Variants in LAMA1 observed in about 807,000 individuals in gnomAD.
The protein encoded by LAMA1 is laminin subunit alpha 1.
A neutral mutation model predicts 348.7 loss-of-function variants in LAMA1; 219 were observed. The ratio of observed to expected loss-of-function variants is 0.63; its 90% confidence interval spans 0.56 to 0.70. The LOEUF is 0.70. Among genes scored for constraint, LAMA1 ranks in the 30% least tolerant of loss-of-function variants. The pLI is 0.00. For synonymous variants in LAMA1, 1,487 were observed against 1,491.0 expected (o/e 1.00, Z 0.06); for missense variants, 3,744 against 3,888.0 (o/e 0.96, Z 0.99).
chr18:6,986,111 A>G, intron 37 of LAMA1, 26 bp downstream of exon 37: 4 of 1,604,688 alleles, frequency 2.5e-6, no homozygotes, highest in Non-Finnish European at 3.4e-6. Context: ...GTTCTAATTG[A>G]GAAGGAGAGA....
intron 3 of LAMA1, among the ~76,000 whole-genome samples, chr18:7,054,099 G>A (rs2058072416): frequency 1.3e-5 from 2 of 151,990 alleles, no homozygotes; most frequent in Non-Finnish European, 2.9e-5. Context: ...ATTGATTCAA[G>A]CTCCCCCATA....
Position 6,983,150 on chromosome 18 carries a change from T to C in LAMA1, c.5745A>G (p.Glu1915=). The C allele has an allele frequency of 1.2e-6, 2 of 1,614,182 alleles. No homozygotes were observed. Among genetic ancestry groups the C allele is most frequent in the Non-Finnish European group, 1.7e-6 (2 of 1,180,032 alleles). Reference sequence around the variant, plus strand: ...GAGCATCTCTGGCCAGTTCCTCCGATTCTTCAATCAGGCTCTGGATGTTGT... The same window carrying C: ...GAGCATCTCTGGCCAGTTCCTCCGACTCTTCAATCAGGCTCTGGATGTTGT... ...VHYNIQSLIE[E]SEELARDAHR... Residue 1915 remains glutamate (E), a synonymous_variant, in exon 40 of 63, where the codon GAA becomes GAG. Coordinates refer to ENST00000389658, the MANE Select transcript of LAMA1 (RefSeq NM_005559.4).
At chr18:7,024,842 C>T (rs1006999269) in intron 17 of LAMA1, among the ~76,000 whole-genome samples, 1 of 152,220 alleles carries the variant, frequency 6.6e-6, no homozygotes, top group Non-Finnish European at 1.5e-5. Flanking sequence ...TTCCCCAGCT[C>T]GGGTTCCCTG....
chr18:7,021,110 C>T (rs760939036), intron 19 of LAMA1, among the ~76,000 whole-genome samples: 1 of 152,128 alleles, frequency 6.6e-6, no homozygotes, highest in African/African-American at 2.4e-5. Context: ...TGCCTGGGCC[C>T]GTCTTCCCAC....
chr18:6,977,803 A>G lies in LAMA1; in HGVS notation c.6269T>C (p.Met2090Thr). 1 of 1,614,168 alleles carries G rather than the reference A, an allele frequency of 6.2e-7. No homozygotes were observed. Among genetic ancestry groups the G allele is most frequent in the African/African-American group, 1.3e-5 (1 of 75,044 alleles). Residue 2090 changes from methionine to threonine, a missense_variant, in exon 44 of 63, where the codon ATG (methionine) becomes ACG (threonine). Physicochemically the swap from Met to Thr is moderately conservative, Grantham distance 81. This residue lies in a region of LAMA1 where 1,983 missense variants were observed against 1,934.3 expected (regional missense o/e 1.03). Coordinates refer to ENST00000389658, the MANE Select transcript of LAMA1 (RefSeq NM_005559.4). ...GTTTCTGCTCAGATTCTCCTCTAAC[A>G]TCTTCAAAGGCTTCAACCGATCAAA... Reference protein sequence around the residue: ...LLFDRLKPLKMLEENLSRNLS... With the variant: ...LLFDRLKPLKTLEENLSRNLS...
At position 6,958,502 on chromosome 18, in the gene LAMA1, T is replaced by C. The variant is rs2057591007; in HGVS notation, c.7939A>G (p.Ile2647Val). ...TCCAAATTGAAGATCAGGTTTTTGA[T>C]ACAGCCATGGAACGATCTTCTCATT... ...LTMRRSFHGCIKNLIFNLELL... is the reference protein window; with the variant it reads ...LTMRRSFHGCVKNLIFNLELL... The change falls in exon 55 of 63, where the codon ATC becomes GTC. Residue 2647 changes from isoleucine (I) to valine (V), a missense_variant. By Grantham distance (29) the Ile-to-Val change is conservative. Coordinates refer to ENST00000389658, the MANE Select transcript of LAMA1 (RefSeq NM_005559.4). The C allele has an allele frequency of 6.2e-7, 1 of 1,614,106 alleles. No individual in the cohort carries two copies. The highest frequency in any genetic ancestry group is 8.5e-7 in the Non-Finnish European group (1 of 1,180,054).
intron 3 of LAMA1, among the ~76,000 whole-genome samples, chr18:7,057,790 CTTTCTTTCTT>C (rs200972981): frequency 6.2e-4 from 87 of 139,430 alleles, no homozygotes; most frequent in African/African-American, 2.4e-3. Flanking sequence ...AAAATTCTTT[CTTTCTTTCTT>C]TTTTTTTTTT....
At chr18:6,973,840 G>A (rs983318707) in intron 46 of LAMA1, among the ~76,000 whole-genome samples, 1 of 152,196 alleles carries the variant, frequency 6.6e-6, no homozygotes, top group Non-Finnish European at 1.5e-5. Context: ...GAACGCAGTG[G>A]TGTGATCATT....
At position 7,084,038 on chromosome 18, in the gene LAMA1, A is replaced by C. The variant is rs553433867; in HGVS notation, c.62-3581T>G. Reference sequence around the variant, plus strand: ...CAGTGAGCTGAGATCACGCCACTGCACTCCAGCCTGGGCAACAGAGTGAGA... The same window carrying C: ...CAGTGAGCTGAGATCACGCCACTGCCCTCCAGCCTGGGCAACAGAGTGAGA... On this transcript the variant is annotated intron_variant, in intron 1 of 62. Coordinates refer to ENST00000389658, the MANE Select transcript of LAMA1 (RefSeq NM_005559.4). 1.3e-4 allele frequency among the ~76,000 whole-genome samples: 17 copies of C among 126,794 alleles called. No homozygotes were observed. The East Asian group carries it at 4.6e-3, about 34-fold the overall frequency. The allele number at this position is 126,794 out of a possible 152,430, so 83.2% of individuals were successfully genotyped here. A position where few individuals can be genotyped will look rare whatever the true frequency, so the allele number is the denominator to read the frequency against.
chr18:6,974,967 T>C lies in LAMA1; in HGVS notation c.6559A>G (p.Thr2187Ala). ...AFLWDLGSGS[T>A]RLEFPDFPID... ...GGAAAGTCTGGAAACTCCAAGCGTGTGGACCCGGAGCCCAGGTCCCACAGG... is the reference window on the plus strand; with the variant it reads ...GGAAAGTCTGGAAACTCCAAGCGTGCGGACCCGGAGCCCAGGTCCCACAGG... Residue 2187 changes from threonine (T) to alanine (A), a missense_variant, in exon 46 of 63, where the codon ACA (threonine) becomes GCA (alanine). By Grantham distance (58) the Thr-to-Ala change is moderately conservative. Around this residue, in one of 3 missense-constraint regions of LAMA1, gnomAD observed 1,983 missense variants for 1,934.3 expected, o/e 1.03. Transcript: ENST00000389658. The C allele has an allele frequency of 6.2e-7, 1 of 1,614,068 alleles. No homozygotes were observed. Among genetic ancestry groups the C allele is most frequent in the Non-Finnish European group, 8.5e-7 (1 of 1,179,988 alleles).
At chr18:7,095,371 A>G (rs1404433836) in intron 1 of LAMA1, among the ~76,000 whole-genome samples, 1 of 152,136 alleles carries the variant, frequency 6.6e-6, no homozygotes, top group African/African-American at 2.4e-5. Flanking sequence ...TTTTAAAACA[A>G]ACTGGTAGTA....
At chr18:7,083,358 G>A (rs2058201197) in intron 1 of LAMA1, among the ~76,000 whole-genome samples, 1 of 151,668 alleles carries the variant, frequency 6.6e-6, no homozygotes, top group African/African-American at 2.4e-5. Flanking sequence ...GCTAATTTTT[G>A]TATTTTTAAT....
At chr18:7,078,823 A>G (rs1024279898) in intron 3 of LAMA1, among the ~76,000 whole-genome samples, 1 of 151,918 alleles carries the variant, frequency 6.6e-6, no homozygotes, top group Non-Finnish European at 1.5e-5. Context: ...CCTGTCTACT[A>G]AAAACACAAA....
At chr18:7,008,936 G>A (rs1435526985) in intron 27 of LAMA1, among the ~76,000 whole-genome samples, 4 of 152,152 alleles carry the variant, frequency 2.6e-5, no homozygotes, top group Non-Finnish European at 2.9e-5. Flanking sequence ...ACATCACTAC[G>A]AAGACATGGG....
chr18:7,020,726 T>TC (rs2057911630), intron 19 of LAMA1, among the ~76,000 whole-genome samples: 1 of 152,230 alleles, frequency 6.6e-6, no homozygotes, highest in Non-Finnish European at 1.5e-5. Context: ...AGACCTATTT[T>TC]ACGTCTTCTC....
intron 49 of LAMA1, chr18:6,965,885 T>C (rs1423007415): frequency 4.2e-6 from 2 of 477,748 alleles, no homozygotes; most frequent in Non-Finnish European, 7.4e-6. Context: ...AAATGTTGAA[T>C]TGATATCTAT....
At position 7,044,671 on chromosome 18, in the gene LAMA1, G is replaced by T. The variant is rs183534920; in HGVS notation, c.976+51C>A. On this transcript the variant is annotated intron_variant, in intron 7 of 62. Coordinates refer to ENST00000389658, the MANE Select transcript of LAMA1 (RefSeq NM_005559.4). Reference sequence around the variant, plus strand: ...AGTTGTTAAGACACCATAAACTTGGGACGTATTAAGAGGAAAACTGTACTG... The same window carrying T: ...AGTTGTTAAGACACCATAAACTTGGTACGTATTAAGAGGAAAACTGTACTG... 15 of 1,359,868 alleles carry T rather than the reference G, an allele frequency of 1.1e-5. No individual in the cohort carries two copies. In the African/African-American group the frequency reaches 2.0e-4, roughly 18 times the overall value. 84.2% of individuals were successfully genotyped at this position (1,359,868 alleles called of 1,614,324 possible).
At chr18:7,058,846 A>C (rs1439952485) in intron 3 of LAMA1, among the ~76,000 whole-genome samples, 2 of 152,218 alleles carry the variant, frequency 1.3e-5, no homozygotes, top group African/African-American at 4.8e-5. Flanking sequence ...AATTGGTCTT[A>C]TATGTAATGT....
Position 6,977,882 on chromosome 18 carries a change from C to T in LAMA1, c.6191-1G>A. 1.9e-6 allele frequency: 3 copies of T among 1,611,054 alleles called. No homozygotes were observed. The highest frequency in any genetic ancestry group is 2.5e-6 in the Non-Finnish European group (3 of 1,179,980). On this transcript the variant is annotated splice_acceptor_variant, in intron 43 of 62. Transcript: ENST00000389658. LOFTEE classifies it high-confidence loss of function. The stretch of plus-strand genomic sequence containing the variant: ...TTGACTTTTCTTCCAGCCAACAGAG[C>T]TAACAAATACAAGAAGGCAAGGGGT...
Sources: allele counts gnomAD v4.1 joint callset (sites outside exome capture counted in the v4.1 genomes callset), GRCh38; gene constraint gnomAD v4.1.1; regional missense constraint gnomAD v4.1.1; transcripts MANE v1.5; gene names NCBI Gene and HGNC (gene_info 2026-07-23, HGNC 2026-07-21).